CEP295: variants seen among roughly 807,000 people sequenced by gnomAD.
The protein encoded by CEP295 is centrosomal protein 295.
CEP295 carries 190 observed loss-of-function variants against 291.6 expected under a neutral mutation model. The ratio of observed to expected loss-of-function variants is 0.65; its 90% CI spans 0.58 to 0.73. CEP295 has a LOEUF of 0.73. Ranked by LOEUF, CEP295 falls within the 30% of genes least tolerant of loss-of-function variation. The pLI is 0.00. For synonymous variants in CEP295, 993 were observed against 1,038.8 expected (o/e 0.96, Z 0.85); for missense variants, 2,863 against 2,949.4 (o/e 0.97, Z 0.68).
chr11:93,699,014 G>T lies in CEP295; in HGVS notation c.4102G>T (p.Ala1368Ser). 6.5e-7 allele frequency: 1 copy of T among 1,548,016 alleles called. No individual in the cohort carries two copies. Reference sequence around the variant, plus strand: ...TACACAGAGAGAAGCCATCATTCTAGCTAGACAAGAAGCTCGGGAAGAATT... The same window carrying T: ...TACACAGAGAGAAGCCATCATTCTATCTAGACAAGAAGCTCGGGAAGAATT... ...LATQREAIIL[A>S]RQEAREELLL... The change falls in exon 15 of 30, where the codon GCT becomes TCT. Residue 1368 changes from alanine (A) to serine (S), a missense_variant. This residue lies in a region of CEP295 where 2,295 missense variants were observed against 2,335.7 expected (regional missense o/e 0.98). Coordinates refer to ENST00000325212, the MANE Select transcript of CEP295 (RefSeq NM_033395.2).
chr11:93,698,838 G>A lies in CEP295; in HGVS notation c.3926G>A (p.Gly1309Asp), dbSNP rs372394144. ...SFTSLASAESGTILEPLFTES... is the reference protein window; with the variant it reads ...SFTSLASAESDTILEPLFTES... ...ACTTCGTTAGCTTCAGCTGAGTCTG[G>A]CACAATCCTGGAACCTCTTTTTACA... Residue 1309 changes from glycine to aspartate, a missense_variant, in exon 15 of 30, where the codon GGC becomes GAC. Physicochemically the swap from Gly to Asp is moderately conservative, Grantham distance 94. Transcript: ENST00000325212. The A allele has an allele frequency of 9.3e-5, 144 of 1,551,582 alleles. No individual in the cohort carries two copies. The highest frequency in any genetic ancestry group is 1.2e-4 in the Admixed American group (6 of 50,980).
At chr11:93,704,097 T>A (rs767359930) in intron 17 of CEP295, among the ~76,000 whole-genome samples, 10 of 152,080 alleles carry the variant, frequency 6.6e-5, no homozygotes, top group Non-Finnish European at 1.0e-4. Context: ...ATAAATAGTC[T>A]TATGTGAATT....
rs1951313842 is a variant in CEP295, at chr11:93,687,704, A to G, written c.1175A>G (p.Asn392Ser). ...PSKVLFKKLL[N>S]KIRSQKSLWT... ...AAAGTTCTTTTTAAAAAATTATTAA[A>G]TAAGATCCGAAGCCAAAAATCTCTC... The change falls in exon 10 of 30, where the codon AAT (asparagine) becomes AGT (serine). Residue 392 changes from asparagine to serine, a missense_variant. Physicochemically the swap from Asn to Ser is conservative, Grantham distance 46 (BLOSUM62 1). This residue lies in a region of CEP295 where 554 missense variants were observed against 576.0 expected (regional missense o/e 0.96). Transcript: ENST00000325212. 3.9e-6 allele frequency: 6 copies of G among 1,547,054 alleles called. No individual in the cohort carries two copies. Among genetic ancestry groups the G allele is most frequent in the South Asian group, 3.6e-5 (3 of 83,422 alleles).
At chr11:93,683,381 A>G (rs1951068428) in intron 7 of CEP295, among the ~76,000 whole-genome samples, 178 bp from the exon 8 acceptor site, 1 of 152,208 alleles carries the variant, frequency 6.6e-6, no homozygotes, top group Non-Finnish European at 1.5e-5. Flanking sequence ...TTAATGTGGT[A>G]TCTGGTATTC....
At chr11:93,685,339 T>G (rs1051676165) in intron 9 of CEP295, among the ~76,000 whole-genome samples, 3 of 152,186 alleles carry the variant, frequency 2.0e-5, no homozygotes, top group South Asian at 4.1e-4. Flanking sequence ...CTCCCATATC[T>G]ACTGGTATTT....
At chr11:93,685,492 A>G (rs183126799) in intron 9 of CEP295, among the ~76,000 whole-genome samples, 2 of 152,282 alleles carry the variant, frequency 1.3e-5, no homozygotes, top group East Asian at 1.9e-4. Flanking sequence ...TCCTATGCCT[A>G]CATTGTTGTC....
intron 28 of CEP295, 22 bp from the exon 29 acceptor site, chr11:93,730,027 A>AT (rs1255433507): frequency 7.9e-6 from 12 of 1,516,898 alleles, no homozygotes; most frequent in Non-Finnish European, 1.1e-5. Context: ...TTTGTCTCTA[A>AT]TTCTATATAA....
rs375345173 is a variant in CEP295 at position 93,691,189 on chromosome 11, A to G, written c.1337-494A>G. ...CTGTGGTATCCCCAGCATCTGCCAC[A>G]TAAGTAGGTACCAAATGAATTAATG... is the stretch of plus-strand genomic sequence containing the variant. On this transcript the variant is annotated intron_variant, in intron 10 of 29. Coordinates refer to ENST00000325212, the MANE Select transcript of CEP295 (RefSeq NM_033395.2). 9.2e-5 allele frequency among the ~76,000 whole-genome samples: 14 copies of G among 151,784 alleles called. 1 individual carries two copies. Among genetic ancestry groups the G allele is most frequent in the Admixed American group, 6.6e-4 (10 of 15,222 alleles).
chr11:93,668,159 C>A (rs1477688506), intron 3 of CEP295, among the ~76,000 whole-genome samples: 1 of 152,110 alleles, frequency 6.6e-6, no homozygotes, highest in Non-Finnish European at 1.5e-5. Context: ...AACCCCCCAA[C>A]AAACATTTTT....
Position 93,684,071 on chromosome 11 carries a change from G to A in CEP295, c.1057G>A (p.Gly353Ser), listed in dbSNP as rs1223317849. Residue 353 changes from glycine to serine, a missense_variant, in exon 9 of 30, where the codon GGT (glycine) becomes AGT (serine). By Grantham distance (56) the Gly-to-Ser change is moderately conservative. This residue lies in a region of CEP295 where 554 missense variants were observed against 576.0 expected (regional missense o/e 0.96). Transcript: ENST00000325212. The stretch of plus-strand genomic sequence containing the variant: ...CCTTTCAATGGAACAAGAAAATTTG[G>A]GTGCAGCTGAAGACCTTCCAGTGAC... ...LDLSMEQENL[G>S]AAEDLPVTEA... is the part of the protein sequence containing the mutation. The A allele has an allele frequency of 6.4e-7, 1 of 1,551,438 alleles. No individual in the cohort carries two copies. Among genetic ancestry groups the A allele is most frequent in the African/African-American group, 1.4e-5 (1 of 72,992 alleles).
chr11:93,702,459 G>A lies in CEP295; in HGVS notation c.5275-1G>A. 6.6e-7 allele frequency: 1 copy of A among 1,517,572 alleles called. No homozygotes were observed. Among genetic ancestry groups the A allele is most frequent in the East Asian group, 2.5e-5 (1 of 40,576 alleles). 94.0% of individuals were successfully genotyped at this position (1,517,572 alleles called of 1,614,324 possible). On this transcript the variant is annotated splice_acceptor_variant, in intron 15 of 29. Coordinates refer to ENST00000325212, the MANE Select transcript of CEP295 (RefSeq NM_033395.2). LOFTEE classifies it high-confidence loss of function. ...CCCCACCCTCATCTCCACTTTTTCAGATAAGTAAGCCCACAGTTGAAAATG... is the reference window on the plus strand; with the variant it reads ...CCCCACCCTCATCTCCACTTTTTCAAATAAGTAAGCCCACAGTTGAAAATG...
chr11:93,675,226 A>G (rs1435637316), intron 5 of CEP295, among the ~76,000 whole-genome samples: 8 of 152,214 alleles, frequency 5.3e-5, no homozygotes, highest in Non-Finnish European at 1.2e-4. Flanking sequence ...TGTCTTATAA[A>G]TATAATGAAG....
chr11:93,725,414 C>T (rs1435761733), intron 22 of CEP295, among the ~76,000 whole-genome samples: 1 of 152,222 alleles, frequency 6.6e-6, no homozygotes, highest in Non-Finnish European at 1.5e-5. Context: ...TATCCTCCTA[C>T]ACAGTCAAAG....
intron 18 of CEP295, among the ~76,000 whole-genome samples, chr11:93,708,062 A>C (rs1952637536): frequency 6.6e-6 from 1 of 152,188 alleles, no homozygotes; most frequent in African/African-American, 2.4e-5. Context: ...GCTACATAGT[A>C]GGTGTATCTA....
chr11:93,666,603 C>A, intron 1 of CEP295, 79 bp from the exon 2 acceptor site: 1 of 613,148 alleles, frequency 1.6e-6, no homozygotes, highest in Non-Finnish European at 2.8e-6. Flanking sequence ...CAAAAAAAAA[C>A]AAACAAAATT....
Position 93,683,602 on chromosome 11 carries a change from A to C in CEP295, c.809A>C (p.Glu270Ala), listed in dbSNP as rs1270986995. 1 of 1,537,310 alleles carries C rather than the reference A, an allele frequency of 6.5e-7. No individual in the cohort carries two copies. The highest frequency in any genetic ancestry group is 8.7e-7 in the Non-Finnish European group (1 of 1,143,624). Residue 270 changes from glutamate (E) to alanine (A), a missense_variant, in exon 8 of 30, where the codon GAG (glutamate) becomes GCG (alanine). Glu to Ala is a moderately radical substitution (Grantham distance 107). Around this residue, in one of 3 missense-constraint regions of CEP295, gnomAD observed 554 missense variants for 576.0 expected, o/e 0.96. Coordinates refer to ENST00000325212, the MANE Select transcript of CEP295 (RefSeq NM_033395.2). ...AAAGAACTCAAACAGCTACAGCAAG[A>C]GGACCTGGCACGTAGGAGACAGACT... Reference protein sequence around the residue: ...LMKELKQLQQEDLARRRQTVA... With the variant: ...LMKELKQLQQADLARRRQTVA...
At chr11:93,703,919 C>T (rs1043573047) in intron 17 of CEP295, among the ~76,000 whole-genome samples, 1 of 151,948 alleles carries the variant, frequency 6.6e-6, no homozygotes, top group Non-Finnish European at 1.5e-5. Context: ...GAGGCACCCG[C>T]CACCAAGCCC....
rs1275060722 is a variant in CEP295 at position 93,723,066 on chromosome 11, T to C, written c.5973T>C (p.Asp1991=). 6.4e-7 allele frequency: 1 copy of C among 1,551,354 alleles called. No homozygotes were observed. Among genetic ancestry groups the C allele is most frequent in the Non-Finnish European group, 8.7e-7 (1 of 1,146,766 alleles). The part of the protein sequence containing the change: ...DPESFSEHMD[D]SKQESTTSKE... ...AGTCATTTTCAGAGCACATGGATGA[T>C]AGCAAGCAAGAATCTACCACCAGTA... Residue 1991 remains aspartate (D), a synonymous_variant, in exon 21 of 30, where the codon GAT becomes GAC. Transcript: ENST00000325212.
At chr11:93,679,013 T>G (rs910290633) in intron 6 of CEP295, among the ~76,000 whole-genome samples, 7 of 152,132 alleles carry the variant, frequency 4.6e-5, no homozygotes, top group Non-Finnish European at 8.8e-5. Context: ...CCCGCCACCA[T>G]GCCTGGCTAA....
Sources: allele counts gnomAD v4.1 joint callset (sites outside exome capture counted in the v4.1 genomes callset), GRCh38; gene constraint gnomAD v4.1.1; regional missense constraint gnomAD v4.1.1; transcripts MANE v1.5; gene names NCBI Gene and HGNC (gene_info 2026-07-23, HGNC 2026-07-21).